Variants in SRP68 observed in about 807,000 individuals in gnomAD.
SRP68 encodes the protein signal recognition particle 68, also known as signal recognition particle subunit SRP68.
In SRP68, 15 loss-of-function variants were observed where a neutral mutation model predicts 82.2. The ratio of observed to expected loss-of-function variants is 0.18; its 90% CI spans 0.12 to 0.28. SRP68 has a LOEUF of 0.28. SRP68 is among the 10% of genes least tolerant of loss of function. SRP68 has a pLI of 1.00. For missense variants in SRP68, 595 were observed against 780.5 expected, an observed-to-expected ratio of 0.76 and a Z score of 2.83; for synonymous variants, 261 against 292.6, an observed-to-expected ratio of 0.89 and a Z score of 1.10.
chr17:76,049,518 C>T, intron 9 of SRP68: 1 of 152,044 alleles, frequency 6.6e-6, no homozygotes, highest in East Asian at 1.9e-4. Context: ...GCAGAGGACT[C>T]AGAAGGATGC....
At position 76,072,227 on chromosome 17, in the gene SRP68, G is replaced by C; in HGVS notation, c.184+81C>G. Reference sequence around the variant, plus strand: ...TCGGCCTCTCCTGCCAGGACTTGTCGGGACCCGCCGCCTCTCCCGCCCCCA... The same window carrying C: ...TCGGCCTCTCCTGCCAGGACTTGTCCGGACCCGCCGCCTCTCCCGCCCCCA... On this transcript the variant is annotated intron_variant, in intron 1 of 15. Coordinates refer to ENST00000307877, the MANE Select transcript of SRP68 (RefSeq NM_014230.4). This position sits in a 1 kb window ranked among gnomAD's most constrained non-coding sequence, Gnocchi z 4.5. 1 of 1,595,350 alleles carries C rather than the reference G, an allele frequency of 6.3e-7. No individual in the cohort carries two copies. The highest frequency in any genetic ancestry group is 8.5e-7 in the Non-Finnish European group (1 of 1,175,180).
At chr17:76,043,711 C>G in intron 13 of SRP68, 118 bp downstream of exon 13, 1 of 1,146,894 alleles carries the variant, frequency 8.7e-7, no homozygotes, top group South Asian at 1.7e-5. Context: ...CCAGGTCCCA[C>G]GGGCAGCCAG....
At position 76,057,428 on chromosome 17, in the gene SRP68, G is replaced by A; in HGVS notation, c.953C>T (p.Ala318Val). Residue 318 changes from alanine (A) to valine (V), a missense_variant, in exon 8 of 16, where the codon GCT becomes GTT. Ala to Val is a moderately conservative substitution (Grantham distance 64, BLOSUM62 0). Coordinates refer to ENST00000307877, the MANE Select transcript of SRP68 (RefSeq NM_014230.4). ...CTGGACAATAGCTGCTTCGTTATCA[G>A]CCAGTCCTAATAAGAAAATGCGCAC... ...DKVRIFLLGL[A>V]DNEAAIVQAE... 6.2e-7 allele frequency: 1 copy of A among 1,614,140 alleles called. No individual in the cohort carries two copies. The highest frequency in any genetic ancestry group is 8.5e-7 in the Non-Finnish European group (1 of 1,180,036).
In SRP68 at chr17:76,047,942, T is replaced by A; in HGVS notation, c.1106A>T (p.Glu369Val). The part of the protein sequence containing the change: ...QKQRDYILEG[E>V]PGKVSNLQYL... ...TTGAAGATTAGACACCTTCCCTGGC[T>A]CTCCTTCAAGGATATAATCTCTCTG... The change falls in exon 10 of 16, where the codon GAG becomes GTG. Residue 369 changes from glutamate to valine, a missense_variant. Physicochemically the swap from Glu to Val is moderately radical, Grantham distance 121. This residue lies in a region of SRP68 where 495 missense variants were observed against 688.6 expected (regional missense o/e 0.72). Transcript: ENST00000307877. The A allele has an allele frequency of 6.3e-7, 1 of 1,578,504 alleles. No homozygotes were observed. Among genetic ancestry groups the A allele is most frequent in the Non-Finnish European group, 8.6e-7 (1 of 1,159,678 alleles).
chr17:76,046,928 G>A (rs2066636751), intron 10 of SRP68, among the ~76,000 whole-genome samples: 1 of 152,068 alleles, frequency 6.6e-6, no homozygotes, highest in Non-Finnish European at 1.5e-5. Flanking sequence ...GCGACAGAGC[G>A]AGACTCCATC....
At chr17:76,040,015 T>C (rs2066577256) in intron 15 of SRP68, 82 bp from the exon 16 acceptor site, 6 of 1,390,166 alleles carry the variant, frequency 4.3e-6, no homozygotes, top group Non-Finnish European at 6.0e-6. Flanking sequence ...GACTGCCTGG[T>C]TCAGAGCTTT....
rs886120363 is a variant in SRP68 at position 76,071,414 on chromosome 17, C to T, written c.184+894G>A. 7.2e-5 allele frequency among the ~76,000 whole-genome samples: 11 copies of T among 152,098 alleles called. No individual in the cohort carries two copies. Among genetic ancestry groups the T allele is most frequent in the African/African-American group, 2.7e-4 (11 of 41,400 alleles). On this transcript the variant is annotated intron_variant, in intron 1 of 15. Coordinates refer to ENST00000307877, the MANE Select transcript of SRP68 (RefSeq NM_014230.4). This position sits in a 1 kb window ranked among gnomAD's most constrained non-coding sequence, Gnocchi z 4.7. ...CTATATAGGTATAGTTTTAATGTTT[C>T]CTCAACACTTCTCTAGAGACATATT...
chr17:76,065,738 C>G (rs1026977324), intron 3 of SRP68, among the ~76,000 whole-genome samples: 1 of 152,156 alleles, frequency 6.6e-6, no homozygotes, highest in Admixed American at 6.6e-5. Context: ...ACTGACTTCC[C>G]TGTCAAAAGC....
chr17:76,039,307 T>C lies in SRP68; in HGVS notation c.*399A>G, dbSNP rs1295817779. 2.2e-6 allele frequency: 1 copy of C among 464,300 alleles called. No individual in the cohort carries two copies. The highest frequency in any genetic ancestry group is 2.3e-5 in the Admixed American group (1 of 42,736). The allele number at this position is 464,300 out of a possible 1,614,324, so 28.8% of individuals were successfully genotyped here. A position where few individuals can be genotyped will look rare whatever the true frequency, so the allele number is the denominator to read the frequency against. On this transcript the variant is annotated 3_prime_UTR_variant, in exon 16 of 16. Coordinates refer to ENST00000307877, the MANE Select transcript of SRP68 (RefSeq NM_014230.4). ...AAACTTCTCAAGGGCTCCTGGATGC[T>C]CACAGCAAGGATGAGTTCATTTCAA...
intron 5 of SRP68, 26 bp from the exon 6 acceptor site, chr17:76,061,245 T>C (rs1391997978): frequency 2.0e-6 from 3 of 1,492,688 alleles, no homozygotes; most frequent in Non-Finnish European, 2.8e-6. Flanking sequence ...AGCCAGGTTT[T>C]ACATCAGCCT....
At chr17:76,044,521 G>A (rs1187651048) in intron 12 of SRP68, among the ~76,000 whole-genome samples, 4 of 152,186 alleles carry the variant, frequency 2.6e-5, no homozygotes, top group African/African-American at 9.6e-5. Flanking sequence ...GGGCAAGAAT[G>A]CATGGGGCTC....
In SRP68 at chr17:76,072,116, G is replaced by A. The variant is rs2066857310; in HGVS notation, c.184+192C>T. 3 of 1,117,108 alleles carry A rather than the reference G, an allele frequency of 2.7e-6. No individual in the cohort carries two copies. Among genetic ancestry groups the A allele is most frequent in the Non-Finnish European group, 3.8e-6 (3 of 795,914 alleles). 69.2% of individuals were successfully genotyped at this position (1,117,108 alleles called of 1,614,324 possible). A position where few individuals can be genotyped will look rare whatever the true frequency, so the allele number is the denominator to read the frequency against. On this transcript the variant is annotated intron_variant, in intron 1 of 15. Coordinates refer to ENST00000307877, the MANE Select transcript of SRP68 (RefSeq NM_014230.4). This position sits in a 1 kb window ranked among gnomAD's most constrained non-coding sequence, Gnocchi z 4.5. Reference sequence around the variant, plus strand: ...AAACGGACCTAGCCAGGACGGCGAGGGGGACACGAGGAAAGACTAGTCGAG... The same window carrying A: ...AAACGGACCTAGCCAGGACGGCGAGAGGGACACGAGGAAAGACTAGTCGAG...
chr17:76,043,776 G>A, intron 13 of SRP68, 53 bp downstream of exon 13: 1 of 1,526,806 alleles, frequency 6.5e-7, no homozygotes, highest in South Asian at 1.3e-5. Flanking sequence ...CTCCTCCACA[G>A]CTGACTCCAT....
At position 76,052,260 on chromosome 17, in the gene SRP68, T is replaced by A. The variant is rs112429022; in HGVS notation, c.979-1734A>T. On this transcript the variant is annotated intron_variant, in intron 8 of 15. Coordinates refer to ENST00000307877, the MANE Select transcript of SRP68 (RefSeq NM_014230.4). Reference sequence around the variant, plus strand: ...CTGGACAGTGCAGCACTGGAGCACATGCTTTATAGAATATTGTTGGCCGAC... The same window carrying A: ...CTGGACAGTGCAGCACTGGAGCACAAGCTTTATAGAATATTGTTGGCCGAC... Among the ~76,000 whole-genome samples the A allele has an allele frequency of 2.7e-3, 408 of 152,298 alleles. 1 individual carries two copies. The highest frequency in any genetic ancestry group is 9.5e-3 in the African/African-American group (394 of 41,562).
intron 7 of SRP68, 71 bp from the exon 8 acceptor site, chr17:76,057,614 T>A (rs577373397): frequency 1.3e-6 from 2 of 1,532,260 alleles, no homozygotes; most frequent in East Asian, 4.5e-5. Context: ...ATAAGTGGAA[T>A]CTATCATTTG....
At chr17:76,060,125 CAAAAAA>C (rs1168111688) in intron 7 of SRP68, among the ~76,000 whole-genome samples, 177 bp downstream of exon 7, 17 of 28,780 alleles carry the variant, frequency 5.9e-4, no homozygotes, top group African/African-American at 1.2e-3. Context: ...GACTCCATCT[CAAAAAA>C]AAAAAAAAAA....
intron 1 of SRP68, 70 bp from the exon 2 acceptor site, chr17:76,070,514 C>A: frequency 7.6e-7 from 1 of 1,310,784 alleles, no homozygotes; most frequent in East Asian, 2.3e-5. Flanking sequence ...TACCATCAGT[C>A]TATATCTGTG....
intron 6 of SRP68, chr17:76,060,698 A>G: frequency 2.8e-6 from 1 of 363,260 alleles, no homozygotes; most frequent in Non-Finnish European, 5.0e-6. Context: ...TGTGTCTATA[A>G]AGGGCCATCA....
intron 13 of SRP68, among the ~76,000 whole-genome samples, chr17:76,042,636 G>C (rs2066600544): frequency 2.0e-5 from 3 of 152,008 alleles, no homozygotes; most frequent in Admixed American, 2.0e-4. Context: ...TCAGGCTGGA[G>C]TGCAGTGGCT....
Sources: gnomAD v4.1 joint callset for allele counts (sites outside exome capture counted in the v4.1 genomes callset) on GRCh38, gnomAD v4.1.1 for gene constraint, gnomAD v4.1.1 regional missense constraint, Gnocchi (gnomAD v3.1) non-coding constraint, MANE v1.5 for transcripts, NCBI Gene and HGNC (gene_info 2026-07-23, HGNC 2026-07-21) for gene names.